Variants in ADAM22 observed in about 807,000 individuals in gnomAD.
ADAM22 encodes the protein ADAM metallopeptidase domain 22.
ADAM22 carries 65 observed loss-of-function variants against 144.6 expected under a neutral mutation model. The observed-to-expected ratio is 0.45, with a 90% confidence interval of 0.37 to 0.55. ADAM22 has a LOEUF of 0.55. Ranked by LOEUF, ADAM22 falls within the 20% of genes least tolerant of loss-of-function variation. The pLI, the probability that ADAM22 is intolerant of heterozygous loss-of-function variation, is 0.00. For missense variants in ADAM22, 974 were observed against 1,184.9 expected (o/e 0.82, Z 2.61); for synonymous variants, 391 against 412.6 (o/e 0.95, Z 0.63).
chr7:88,199,840 A>G lies in ADAM22; in HGVS notation c.*3349A>G, dbSNP rs534298216. 4 of 152,320 alleles carry G rather than the reference A, an allele frequency of 2.6e-5. No homozygotes were observed. Among genetic ancestry groups the G allele is most frequent in the Non-Finnish European group, 5.9e-5 (4 of 68,030 alleles). 9.4% of individuals were successfully genotyped at this position (152,320 alleles called of 1,614,324 possible). Reference sequence around the variant, plus strand: ...CTCTTTTCCCTGTTACTTTAAAAAGAATTTTAAAATTGTGTTTGTATATAA... The same window carrying G: ...CTCTTTTCCCTGTTACTTTAAAAAGGATTTTAAAATTGTGTTTGTATATAA... On this transcript the variant is annotated 3_prime_UTR_variant, in exon 32 of 32. Transcript: ENST00000413139.
chr7:87,994,843 T>C (rs570451297), intron 3 of ADAM22, among the ~76,000 whole-genome samples: 1 of 152,256 alleles, frequency 6.6e-6, no homozygotes, highest in East Asian at 1.9e-4. Flanking sequence ...TTTTTTTTTT[T>C]TGGAGACGGA....
Position 88,193,074 on chromosome 7 carries a change from A to G in ADAM22, c.2751-42A>G, listed in dbSNP as rs746770367. 17 of 1,611,510 alleles carry G rather than the reference A, an allele frequency of 1.1e-5. 2 individuals are homozygous for G. In the South Asian group the frequency reaches 1.9e-4, roughly 18 times the overall value. On this transcript the variant is annotated intron_variant, in intron 30 of 31. Transcript: ENST00000413139. ...ACTTTTCAGATATTTGAAAAATGTT[A>G]GGCAATCACATGATACTTAATTCAT...
chr7:88,151,175 T>C, intron 19 of ADAM22, 82 bp from the exon 20 acceptor site: 6 of 1,568,894 alleles, frequency 3.8e-6, no homozygotes, highest in Non-Finnish European at 5.3e-6. Flanking sequence ...ATCTATTATT[T>C]TTCCCAATCA....
At chr7:88,185,822 T>C (rs1848167499) in intron 29 of ADAM22, 1 of 152,204 alleles carries the variant, frequency 6.6e-6, no homozygotes, top group Non-Finnish European at 1.5e-5. Context: ...ATTATTATTC[T>C]CTGGCAGTCA....
intron 3 of ADAM22, among the ~76,000 whole-genome samples, chr7:88,028,808 C>T (rs1353385633): frequency 1.3e-5 from 2 of 151,992 alleles, no homozygotes; most frequent in African/African-American, 2.4e-5. Context: ...TTTTGTCTGA[C>T]ATAAGTATAG....
chr7:88,107,399 C>T (rs957690157), intron 4 of ADAM22, among the ~76,000 whole-genome samples: 1 of 151,472 alleles, frequency 6.6e-6, no homozygotes, highest in East Asian at 2.0e-4. Flanking sequence ...CAGGGTTTCA[C>T]CATATTGGCT....
At position 88,186,657 on chromosome 7, in the gene ADAM22, G is replaced by C; in HGVS notation, c.2706G>C (p.Lys902Asn). 6.2e-7 allele frequency: 1 copy of C among 1,612,682 alleles called. No individual in the cohort carries two copies. Among genetic ancestry groups the C allele is most frequent in the Non-Finnish European group, 8.5e-7 (1 of 1,178,732 alleles). ...PWFKRDYNVA[K>N]WVEDVNKNTE... ...TCAAAAGAGACTATAATGTAGCTAA[G>C]TGGGTAGAAGATGTGAATAAAAACA... Residue 902 changes from lysine to asparagine, a missense_variant, in exon 30 of 32, where the codon AAG (lysine) becomes AAC (asparagine). Lys to Asn is a moderately conservative substitution (Grantham distance 94, BLOSUM62 0). This residue lies in a region of ADAM22 where 734 missense variants were observed against 950.6 expected (regional missense o/e 0.77). Transcript: ENST00000413139.
chr7:88,104,796 A>G (rs1204781067), intron 4 of ADAM22, among the ~76,000 whole-genome samples: 1 of 149,746 alleles, frequency 6.7e-6, no homozygotes, highest in Non-Finnish European at 1.5e-5. Flanking sequence ...ATGCAAATTG[A>G]GATTTTTTTT....
chr7:88,182,609 C>T (rs1020874606), intron 29 of ADAM22, among the ~76,000 whole-genome samples: 15 of 152,124 alleles, frequency 9.9e-5, no homozygotes, highest in Non-Finnish European at 1.5e-4. Context: ...GCAACATTAT[C>T]CGTTTTAAAT....
In ADAM22 at chr7:88,143,500, T is replaced by A. The variant is rs112543858; in HGVS notation, c.1320+375T>A. Among the ~76,000 whole-genome samples, 789 of 152,346 alleles carry A rather than the reference T, an allele frequency of 5.2e-3. 11 individuals are homozygous for A. Among genetic ancestry groups the A allele is most frequent in the African/African-American group, 0.018 (746 of 41,578 alleles). On this transcript the variant is annotated intron_variant, in intron 15 of 31. Transcript: ENST00000413139. The stretch of plus-strand genomic sequence containing the variant: ...ACTCATACAGGTAGAAGGTGGGGGC[T>A]TATCTACCCTCATCACTCCCTATCA...
chr7:88,133,421 T>G (rs1832286893), intron 12 of ADAM22, among the ~76,000 whole-genome samples: 1 of 151,478 alleles, frequency 6.6e-6, no homozygotes, highest in Non-Finnish European at 1.5e-5. Context: ...TATAAAAAAC[T>G]AATATGGTTA....
chr7:88,116,430 A>G (rs1270269515), intron 6 of ADAM22, among the ~76,000 whole-genome samples: 3 of 152,184 alleles, frequency 2.0e-5, no homozygotes, highest in Non-Finnish European at 4.4e-5. Context: ...GAAAGGAATC[A>G]GTAATAAAAA....
chr7:88,035,897 A>G (rs895121785), intron 3 of ADAM22, among the ~76,000 whole-genome samples: 1 of 152,180 alleles, frequency 6.6e-6, no homozygotes, highest in Non-Finnish European at 1.5e-5. Context: ...TTCATAAGCT[A>G]TGGATTAAAC....
Position 88,143,021 on chromosome 7 carries a change from T to C in ADAM22, c.1221-5T>C. ...CCCAGCTATTGCTTTTCTTCTCTTT[T>C]ATAGCTATTATCTTCCTAAAAAGTT... On this transcript the variant is annotated splice_region_variant and splice_polypyrimidine_tract_variant and intron_variant, in intron 14 of 31. Transcript: ENST00000413139. 1 of 1,574,618 alleles carries C rather than the reference T, an allele frequency of 6.4e-7. No homozygotes were observed.
At chr7:88,029,090 G>A (rs1468920692) in intron 3 of ADAM22, among the ~76,000 whole-genome samples, 2 of 151,782 alleles carry the variant, frequency 1.3e-5, no homozygotes, top group Non-Finnish European at 2.9e-5. Context: ...TAAATTCAAT[G>A]TTATTATTGA....
At chr7:88,153,974 T>G (rs991618164) in intron 21 of ADAM22, among the ~76,000 whole-genome samples, 1 of 152,192 alleles carries the variant, frequency 6.6e-6, no homozygotes, top group Non-Finnish European at 1.5e-5. Context: ...TTGTTGAAAG[T>G]TCACTGGTTC....
intron 2 of ADAM22, among the ~76,000 whole-genome samples, chr7:87,973,797 A>G (rs1269952500): frequency 6.6e-6 from 1 of 152,186 alleles, no homozygotes; most frequent in Non-Finnish European, 1.5e-5. Context: ...AGGGACATGG[A>G]TGAAGCTGGA....
chr7:88,102,676 C>G (rs566248746), intron 4 of ADAM22, among the ~76,000 whole-genome samples: 1 of 152,142 alleles, frequency 6.6e-6, no homozygotes, highest in South Asian at 2.1e-4. Flanking sequence ...TGCACAAACT[C>G]TCTGGGCAAG....
intron 3 of ADAM22, among the ~76,000 whole-genome samples, chr7:88,058,967 C>T (rs759627845): frequency 2.6e-5 from 4 of 152,092 alleles, no homozygotes; most frequent in Admixed American, 6.6e-5. Context: ...GAGAAACAAC[C>T]CACGTTTCTG....
Sources: gnomAD v4.1 joint callset for allele counts (sites outside exome capture counted in the v4.1 genomes callset) on GRCh38, gnomAD v4.1.1 for gene constraint, gnomAD v4.1.1 regional missense constraint, MANE v1.5 for transcripts, NCBI Gene and HGNC (gene_info 2026-07-23, HGNC 2026-07-21) for gene names.